Variants in HDAC7 observed in about 807,000 individuals in gnomAD.
HDAC7 encodes the protein histone deacetylase 7.
HDAC7 carries 26 observed loss-of-function variants against 115.5 expected under a neutral mutation model. That is an observed-to-expected ratio of 0.23 (90% CI 0.16 to 0.31). The LOEUF (loss-of-function observed/expected upper bound fraction) is 0.31. Ranked by LOEUF, HDAC7 falls within the 10% of genes least tolerant of loss-of-function variation. The pLI is 1.00. For synonymous variants in HDAC7, 564 were observed against 550.9 expected (o/e 1.02, Z -0.33); for missense variants, 1,068 against 1,329.0 (o/e 0.80, Z 3.05).
In HDAC7 at chr12:47,793,494, C is replaced by G; in HGVS notation, c.1553G>C (p.Arg518Pro). Reference protein sequence around the residue: ...VLLPLAQGGHRPLSRAQSSPA... With the variant: ...VLLPLAQGGHPPLSRAQSSPA... ...GGAAGACTGAGCCCGGGACAGAGGC[C>G]GGTGCCCACCCTGGGCCAGAGGAAG... Residue 518 changes from arginine (R) to proline (P), a missense_variant, in exon 13 of 26, where the codon CGG (arginine) becomes CCG (proline). Arg to Pro is a moderately radical substitution (Grantham distance 103, BLOSUM62 -2). This residue lies in a region of HDAC7 where 618 missense variants were observed against 701.5 expected (regional missense o/e 0.88). Transcript: ENST00000080059. This position sits in a 1 kb window ranked among gnomAD's most constrained non-coding sequence, Gnocchi z 4.5. 1.3e-6 allele frequency: 2 copies of G among 1,549,952 alleles called. No homozygotes were observed. The highest frequency in any genetic ancestry group is 1.7e-6 in the Non-Finnish European group (2 of 1,147,382).
intron 24 of HDAC7, chr12:47,784,846 C>CA: frequency 7.3e-7 from 1 of 1,369,854 alleles, no homozygotes; most frequent in Non-Finnish European, 1.0e-6. Flanking sequence ...GTAAAGACAT[C>CA]ACGGCTCCCC....
rs548369409 is a variant in HDAC7, at chr12:47,785,688, G to A, written c.2706+64C>T. ...CCCATCCCATCTGCCTGCTCCTTGG[G>A]TAGTCCTGAGAGCCGGGCTTACCTG... On this transcript the variant is annotated intron_variant, in intron 23 of 25. Transcript: ENST00000080059. The A allele has an allele frequency of 6.5e-6, 10 of 1,538,262 alleles. No homozygotes were observed. In the Admixed American group the frequency reaches 1.8e-4, roughly 27 times the overall value.
In HDAC7 at chr12:47,798,433, G is replaced by A; in HGVS notation, c.349+129C>T. On this transcript the variant is annotated intron_variant, in intron 4 of 25. Transcript: ENST00000080059. This position sits in a 1 kb window ranked among gnomAD's most constrained non-coding sequence, Gnocchi z 4.3. ...ACATTCACAGGCAGAGCCCAGGCAA[G>A]CAGAGGGAAAGCCTCGGCTCAGGCC... is the stretch of plus-strand genomic sequence containing the variant. 1 of 858,484 alleles carries A rather than the reference G, an allele frequency of 1.2e-6. No individual in the cohort carries two copies. The highest frequency in any genetic ancestry group is 1.9e-6 in the Non-Finnish European group (1 of 536,256). The allele number at this position is 858,484 out of a possible 1,614,324, so 53.2% of individuals were successfully genotyped here.
chr12:47,820,422 A>C (rs116339043), upstream of HDAC7: 2,215 of 152,842 alleles, frequency 0.014, 40 homozygotes, highest in African/African-American at 0.04. This position sits in a 1 kb window ranked among gnomAD's most constrained non-coding sequence, Gnocchi z 4.3. Context: ...CCCATGTCCC[A>C]TACAAGGAAT....
Position 47,791,907 on chromosome 12 carries a change from G to A in HDAC7, c.1776C>T (p.Ser592=). The change falls in exon 14 of 26, where the codon TCC becomes TCT. Residue 592 remains serine, a synonymous_variant. Coordinates refer to ENST00000080059, the MANE Select transcript of HDAC7 (RefSeq NM_015401.5). The part of the protein sequence containing the change: ...EHAGRIQSIW[S]RLQERGLRSQ... Reference sequence around the variant, plus strand: ...TCCGGAGCCCCCGCTCCTGCAGCCGGGACCAGATGCTCTGGATGCGGCCGG... The same window carrying A: ...TCCGGAGCCCCCGCTCCTGCAGCCGAGACCAGATGCTCTGGATGCGGCCGG... The A allele has an allele frequency of 1.2e-6, 2 of 1,605,696 alleles. No homozygotes were observed. Among genetic ancestry groups the A allele is most frequent in the Non-Finnish European group, 1.7e-6 (2 of 1,176,074 alleles).
upstream of HDAC7, among the ~76,000 whole-genome samples, chr12:47,820,193 G>A (rs1310790062): frequency 6.6e-6 from 1 of 151,630 alleles, no homozygotes; most frequent in East Asian, 1.9e-4. The surrounding 1 kb of genome is among the most constrained non-coding windows in gnomAD (Gnocchi z 4.3). Context: ...CCGCCGCGAG[G>A]CGCTCCGAGC....
chr12:47,791,813 T>TC, intron 14 of HDAC7, 58 bp downstream of exon 14: 1 of 497,582 alleles, frequency 2.0e-6, no homozygotes, highest in South Asian at 3.1e-5. Context: ...CCCCCACCCC[T>TC]CCCCTCCCAT....
Position 47,784,087 on chromosome 12 carries a change from A to G in HDAC7, c.2922T>C (p.Ala974=), listed in dbSNP as rs753408672. The change falls in exon 25 of 26, where the codon GCT becomes GCC. Residue 974 remains alanine, a synonymous_variant. Transcript: ENST00000080059. ...CAGGGGTCTGGCATTACCTATCTTCAGCCAGGATGCCCACAGAGAGGGACG... is the reference window on the plus strand; with the variant it reads ...CAGGGGTCTGGCATTACCTATCTTCGGCCAGGATGCCCACAGAGAGGGACG... The part of the protein sequence containing the change: ...ALASLSVGIL[A]EDRPSEQLVE... 1.7e-5 allele frequency: 28 copies of G among 1,613,260 alleles called. No homozygotes were observed. The Admixed American group carries it at 2.5e-4, about 14-fold the overall frequency.
chr12:47,815,987 G>A (rs1215804358), intron 1 of HDAC7, among the ~76,000 whole-genome samples: 1 of 151,540 alleles, frequency 6.6e-6, no homozygotes, highest in Non-Finnish European at 1.5e-5. Flanking sequence ...TGCCTCCCGG[G>A]TTTAAGCAAT....
rs983949459 is a variant in HDAC7 at position 47,793,100 on chromosome 12, T to C, written c.1678+269A>G. On this transcript the variant is annotated intron_variant, in intron 13 of 25. Transcript: ENST00000080059. The surrounding 1 kb of genome is among the most constrained non-coding windows in gnomAD (Gnocchi z 4.5). ...AATATCATTTTTTAAAAGGGCTGAG[T>C]GCATTGGCAGGAGACTGGAATTCTT... 4.3e-6 allele frequency: 2 copies of C among 467,846 alleles called. No homozygotes were observed. The highest frequency in any genetic ancestry group is 7.5e-6 in the Non-Finnish European group (2 of 265,698). 29.0% of individuals were successfully genotyped at this position (467,846 alleles called of 1,614,324 possible).
chr12:47,802,530 C>A, intron 1 of HDAC7: 1 of 1,534,860 alleles, frequency 6.5e-7, no homozygotes, highest in Non-Finnish European at 8.8e-7. Flanking sequence ...ACTCAGACTA[C>A]AGCAAGAACC....
At chr12:47,789,155 G>A (rs1415650057) in intron 19 of HDAC7, 106 bp downstream of exon 19, 7 of 872,034 alleles carry the variant, frequency 8.0e-6, no homozygotes, top group Non-Finnish European at 1.3e-5. Context: ...CTGAGGCTCA[G>A]AGAGGCTACT....
intron 22 of HDAC7, 78 bp downstream of exon 22, chr12:47,786,507 G>GACTT (rs1943178848): frequency 9.9e-7 from 1 of 1,013,694 alleles, no homozygotes; most frequent in African/African-American, 1.6e-5. Flanking sequence ...TTCCCTTTCT[G>GACTT]ACTTGGGAGT....
chr12:47,819,302 C>G (rs1944944107), intron 1 of HDAC7: 1 of 152,480 alleles, frequency 6.6e-6, no homozygotes, highest in South Asian at 2.1e-4. Flanking sequence ...CCAGCCCCAA[C>G]TCAGTGGGTC....
intron 21 of HDAC7, among the ~76,000 whole-genome samples, chr12:47,787,151 CACT>C (rs1341048481): frequency 6.6e-6 from 1 of 152,192 alleles, no homozygotes; most frequent in East Asian, 1.9e-4. Flanking sequence ...CCCAGCTACT[CACT>C]ACTTGAGAGC....
chr12:47,804,980 A>G (rs1371350616), intron 1 of HDAC7, among the ~76,000 whole-genome samples: 3 of 151,508 alleles, frequency 2.0e-5, no homozygotes, highest in Non-Finnish European at 4.4e-5. Context: ...CTGCTCTCCC[A>G]GGAGCTTCAT....
intron 24 of HDAC7, 52 bp from the exon 25 acceptor site, chr12:47,784,269 A>G (rs1382811168): frequency 1.3e-6 from 2 of 1,559,566 alleles, no homozygotes; most frequent in Non-Finnish European, 1.7e-6. Flanking sequence ...GCCCCTCCAC[A>G]CTGCGTCCTA....
At chr12:47,790,779 G>A (rs759936667) in intron 16 of HDAC7, 12 of 191,970 alleles carry the variant, frequency 6.3e-5, no homozygotes, top group Non-Finnish European at 1.3e-4. Flanking sequence ...CGCGAGCGGA[G>A]TTTGGGGCTA....
chr12:47,805,117 C>CTGGAG (rs1944342010), intron 1 of HDAC7, among the ~76,000 whole-genome samples: 1 of 151,264 alleles, frequency 6.6e-6, no homozygotes, highest in African/African-American at 2.4e-5. Context: ...GATGCCCAGG[C>CTGGAG]TGGAGTGCAG....
Sources: gnomAD v4.1 joint callset for allele counts (sites outside exome capture counted in the v4.1 genomes callset) on GRCh38, gnomAD v4.1.1 for gene constraint, gnomAD v4.1.1 regional missense constraint, Gnocchi (gnomAD v3.1) non-coding constraint, MANE v1.5 for transcripts, NCBI Gene and HGNC (gene_info 2026-07-23, HGNC 2026-07-21) for gene names.